Variants in AMD1 observed in about 807,000 individuals in gnomAD.
The protein encoded by AMD1 is S-adenosylmethionine decarboxylase proenzyme.
In AMD1, 11 loss-of-function variants were observed where a neutral mutation model predicts 40.2. That is an observed-to-expected ratio of 0.27 (90% CI 0.17 to 0.45). The LOEUF is 0.45. Among genes scored for constraint, AMD1 ranks in the 20% least tolerant of loss-of-function variants. The pLI is 1.00. For synonymous variants in AMD1, 121 were observed against 130.8 expected (o/e 0.93, Z 0.51); for missense variants, 257 against 410.2 (o/e 0.63, Z 3.23).
chr6:110,838,063 C>CA, the AMD1 span, among the ~76,000 whole-genome samples: 5,403 of 60,940 alleles, frequency 0.089, 161 homozygotes, highest in Middle Eastern at 0.16. Context: ...GACTCCGTCT[C>CA]AAAAAAAAAA....
the AMD1 span, among the ~76,000 whole-genome samples, chr6:110,831,843 T>A: frequency 6.9e-3 from 1,048 of 152,188 alleles, 6 homozygotes; most frequent in Admixed American, 0.01. Context: ...ATTCTTTTTT[T>A]AATTTATTTA....
At chr6:110,858,730 C>T in the AMD1 span, 1 of 778,128 alleles carries the variant, frequency 1.3e-6, no homozygotes, top group Non-Finnish European at 2.3e-6. Flanking sequence ...CTGGCCAGTG[C>T]ACCATCGGGC....
intron 1 of AMD1, among the ~76,000 whole-genome samples, chr6:110,876,338 A>AG (rs1324718009): frequency 6.6e-6 from 1 of 152,188 alleles, no homozygotes; most frequent in African/African-American, 2.4e-5. Flanking sequence ...GGTGCAGCGG[A>AG]GTAACTGGCG....
chr6:110,838,178 C>T, the AMD1 span, among the ~76,000 whole-genome samples: 4 of 151,482 alleles, frequency 2.6e-5, no homozygotes, highest in Non-Finnish European at 5.9e-5. Flanking sequence ...TACATGAGGT[C>T]AGGAGTTCGA....
chr6:110,826,024 C>T, the AMD1 span, among the ~76,000 whole-genome samples: 3 of 151,470 alleles, frequency 2.0e-5, no homozygotes, highest in Non-Finnish European at 2.9e-5. Context: ...TAAAATTAGA[C>T]AGGCATGGTG....
the AMD1 span, among the ~76,000 whole-genome samples, chr6:110,841,565 A>C: frequency 6.6e-6 from 1 of 152,056 alleles, no homozygotes; most frequent in African/African-American, 2.4e-5. Flanking sequence ...CTATTTAAGA[A>C]AATTTTAAAT....
At chr6:110,840,402 G>A in the AMD1 span, among the ~76,000 whole-genome samples, 1 of 152,084 alleles carries the variant, frequency 6.6e-6, no homozygotes, top group Non-Finnish European at 1.5e-5. Context: ...CTGATCGACT[G>A]GCTTCAAGGT....
chr6:110,830,223 G>T, the AMD1 span, among the ~76,000 whole-genome samples: 1 of 152,044 alleles, frequency 6.6e-6, no homozygotes, highest in South Asian at 2.1e-4. Context: ...CACCATGTTG[G>T]CCAGGATGGT....
At chr6:110,860,676 G>T in the AMD1 span, among the ~76,000 whole-genome samples, 1,829 of 151,974 alleles carry the variant, frequency 0.012, 21 homozygotes, top group Middle Eastern at 0.031. Context: ...GCATGTGCCC[G>T]TAAGTCCCAG....
rs1786253796 is a variant in AMD1, at chr6:110,895,499, A to G, written c.*1883A>G. 1 of 152,588 alleles carries G rather than the reference A, an allele frequency of 6.6e-6. No individual in the cohort carries two copies. Among genetic ancestry groups the G allele is most frequent in the South Asian group, 2.1e-4 (1 of 4,824 alleles). 9.5% of individuals were successfully genotyped at this position (152,588 alleles called of 1,614,324 possible). On this transcript the variant is annotated 3_prime_UTR_variant, in exon 9 of 9. Coordinates refer to ENST00000368885, the MANE Select transcript of AMD1 (RefSeq NM_001634.6). ...TGTTTCCAATAGAATTAAGAATTCT[A>G]ATGTTGAAAAACTGCACAAATTTTT...
At chr6:110,888,330 T>TC (rs1310840405) in intron 2 of AMD1, 1 of 152,428 alleles carries the variant, frequency 6.6e-6, no homozygotes, top group African/African-American at 2.4e-5. Context: ...CCTTTTTTTT[T>TC]CTGAGGCGGA....
At chr6:110,815,737 CT>C in the AMD1 span, 3 of 152,598 alleles carry the variant, frequency 2.0e-5, no homozygotes, top group African/African-American at 7.2e-5. Context: ...AAGTGCCTTA[CT>C]CTAGTGGGAA....
chr6:110,821,841 G>A, the AMD1 span, among the ~76,000 whole-genome samples: 52 of 152,258 alleles, frequency 3.4e-4, 1 homozygote, highest in Middle Eastern at 0.01. Context: ...AAAGTTTTTA[G>A]TGCTAAATGC....
upstream of AMD1, among the ~76,000 whole-genome samples, chr6:110,871,611 G>A (rs1002191528): frequency 6.6e-6 from 1 of 152,188 alleles, no homozygotes; most frequent in African/African-American, 2.4e-5. Flanking sequence ...AGAGATAAGA[G>A]TGGAGACAAA....
the AMD1 span, among the ~76,000 whole-genome samples, chr6:110,844,834 G>A: frequency 6.6e-6 from 1 of 151,972 alleles, no homozygotes; most frequent in African/African-American, 2.4e-5. Flanking sequence ...CTGAGGCTGG[G>A]TAATTTATAA....
the AMD1 span, among the ~76,000 whole-genome samples, chr6:110,851,025 G>A: frequency 3.3e-5 from 5 of 151,342 alleles, no homozygotes; most frequent in Admixed American, 1.3e-4. Flanking sequence ...GTGCAGTGGT[G>A]CAATCTTGGT....
chr6:110,871,190 T>C (rs138325047), upstream of AMD1, among the ~76,000 whole-genome samples: 803 of 152,356 alleles, frequency 5.3e-3, 4 homozygotes, highest in Middle Eastern at 0.034. Context: ...TCAATTGTAA[T>C]GGGAAACCCC....
At chr6:110,860,827 ACC>A in the AMD1 span, among the ~76,000 whole-genome samples, 26,586 of 133,956 alleles carry the variant, frequency 0.2, 2,597 homozygotes, top group East Asian at 0.41. Context: ...AAAACAAAAC[ACC>A]CACCCACACA....
intron 1 of AMD1, among the ~76,000 whole-genome samples, chr6:110,885,319 G>T (rs1785621990): frequency 6.6e-6 from 1 of 152,110 alleles, no homozygotes; most frequent in Admixed American, 6.5e-5. Flanking sequence ...CACCATGTTG[G>T]CCAGGCTGGT....
Sources: allele counts gnomAD v4.1 joint callset (sites outside exome capture counted in the v4.1 genomes callset), GRCh38; gene constraint gnomAD v4.1.1; transcripts MANE v1.5; gene names NCBI Gene and HGNC (gene_info 2026-07-23, HGNC 2026-07-21).